The following VNN2 variants were observed in gnomAD, a reference collection of about 807,000 sequenced individuals.
The protein encoded by VNN2 is pantetheine hydrolase VNN2.
Under a neutral mutation model 43.0 loss-of-function variants are expected in VNN2, and 43 were observed. The ratio of observed to expected loss-of-function variants is 1.00; its 90% confidence interval spans 0.78 to 1.29. The LOEUF is 1.29. Among genes scored for constraint, VNN2 ranks in the 50% most tolerant of loss-of-function variants. VNN2 has a pLI of 0.00. For missense variants in VNN2, 652 were observed against 619.7 expected, an observed-to-expected ratio of 1.05 and a Z score of -0.55; for synonymous variants, 230 against 224.3, an observed-to-expected ratio of 1.03 and a Z score of -0.23.
chr6:132,751,474 C>T lies in VNN2; in HGVS notation c.871G>A (p.Asp291Asn), dbSNP rs762475277. The T allele has an allele frequency of 1.9e-6, 3 of 1,614,036 alleles. No homozygotes were observed. Among genetic ancestry groups the T allele is most frequent in the Middle Eastern group, 1.7e-4 (1 of 6,060 alleles). ...APNGPKVYHY[D>N]MKTELGKLLL... is the part of the protein sequence containing the mutation. Reference sequence around the variant, plus strand: ...AGTTTTCCCAACTCTGTCTTCATGTCATAATGATACACTTTGGGACCATTT... The same window carrying T: ...AGTTTTCCCAACTCTGTCTTCATGTTATAATGATACACTTTGGGACCATTT... Residue 291 changes from aspartate (D) to asparagine (N), a missense_variant, in exon 5 of 7, where the codon GAC (aspartate) becomes AAC (asparagine). Transcript: ENST00000326499.
At chr6:132,763,049 TA>T (rs1780773903) in intron 1 of VNN2, among the ~76,000 whole-genome samples, 1 of 152,140 alleles carries the variant, frequency 6.6e-6, no homozygotes, top group African/African-American at 2.4e-5. Flanking sequence ...CCGGTCCTTT[TA>T]AAAAATTAAA....
In VNN2 at chr6:132,757,891, G is replaced by T. The variant is rs201320317; in HGVS notation, c.-8C>A. 1.2e-4 allele frequency: 194 copies of T among 1,607,360 alleles called. No individual in the cohort carries two copies. In the East Asian group the frequency reaches 4.1e-3, roughly 34 times the overall value. ...AAAAGAGGAAGTGACCATGGCCAAG[G>T]TTTAGTGATTTCTGAAAGCAAAAAT... On this transcript the variant is annotated 5_prime_UTR_variant, in exon 1 of 7. Transcript: ENST00000326499.
chr6:132,749,493 C>T (rs537449557), intron 6 of VNN2, among the ~76,000 whole-genome samples: 1 of 152,112 alleles, frequency 6.6e-6, no homozygotes, highest in African/African-American at 2.4e-5. Context: ...GCCCAGCCAA[C>T]GTCAACTGAG....
At chr6:132,748,804 C>T (rs1779876003) in intron 6 of VNN2, among the ~76,000 whole-genome samples, 1 of 152,184 alleles carries the variant, frequency 6.6e-6, no homozygotes, top group Non-Finnish European at 1.5e-5. Flanking sequence ...GTGGCACATG[C>T]CTTTAAATCC....
At chr6:132,760,057 T>C (rs528288472), upstream of VNN2, among the ~76,000 whole-genome samples, 14 of 152,246 alleles carry the variant, frequency 9.2e-5, no homozygotes, top group Non-Finnish European at 1.6e-4. Flanking sequence ...GGATGTTCGC[T>C]TCTCATTCCT....
chr6:132,757,572 T>C (rs370457885), intron 1 of VNN2, 26 bp from the exon 2 acceptor site: 11 of 1,611,162 alleles, frequency 6.8e-6, no homozygotes, highest in Non-Finnish European at 7.6e-6. Flanking sequence ...AAAATAAAAA[T>C]GATTTTTCCA....
chr6:132,756,192 C>G (rs1013940862), intron 2 of VNN2, among the ~76,000 whole-genome samples, 157 bp from the exon 3 acceptor site: 1 of 152,196 alleles, frequency 6.6e-6, no homozygotes, highest in African/African-American at 2.4e-5. Flanking sequence ...GATGATTATA[C>G]ACTTGATGAA....
In VNN2 at chr6:132,751,140, A is replaced by G. The variant is rs1289725150; in HGVS notation, c.1200+5T>C. On this transcript the variant is annotated splice_donor_5th_base_variant and intron_variant, in intron 5 of 6. Coordinates refer to ENST00000326499, the MANE Select transcript of VNN2 (RefSeq NM_004665.6). Reference sequence around the variant, plus strand: ...TGAATGCCCTTTCATTTGAACTGAAATTACCTGCCAGTACTCTCTTCTCCT... The same window carrying G: ...TGAATGCCCTTTCATTTGAACTGAAGTTACCTGCCAGTACTCTCTTCTCCT... The G allele has an allele frequency of 1.9e-6, 3 of 1,564,968 alleles. No homozygotes were observed. The African/African-American group carries it at 4.1e-5, about 22-fold the overall frequency.
chr6:132,745,050 G>T (rs982060366), intron 6 of VNN2, among the ~76,000 whole-genome samples: 25 of 152,180 alleles, frequency 1.6e-4, no homozygotes, highest in African/African-American at 5.3e-4. Context: ...ACCAGCAAAG[G>T]CTCATTCTGA....
Position 132,755,810 on chromosome 6 carries a change from G to T in VNN2, c.537+33C>A, listed in dbSNP as rs529132041. ...ACCCAGCATTGACCACTCACAACAC[G>T]CTCCATTTTACACGTCCGTCACTCT... On this transcript the variant is annotated intron_variant, in intron 3 of 6. Transcript: ENST00000326499. The T allele has an allele frequency of 1.7e-5, 26 of 1,573,244 alleles. 1 individual carries two copies. The South Asian group carries it at 3.0e-4, about 18-fold the overall frequency.
chr6:132,755,460 C>T (rs1780405234), intron 3 of VNN2, among the ~76,000 whole-genome samples: 1 of 151,314 alleles, frequency 6.6e-6, no homozygotes, highest in Admixed American at 6.6e-5. Context: ...CTGCAGCCTC[C>T]ACCTCCTGGG....
Position 132,752,459 on chromosome 6 carries a change from A to G in VNN2, c.826+2T>C, listed in dbSNP as rs201713695. 6.2e-7 allele frequency: 1 copy of G among 1,610,136 alleles called. No individual in the cohort carries two copies. The highest frequency in any genetic ancestry group is 2.2e-5 in the East Asian group (1 of 44,802). On this transcript the variant is annotated splice_donor_variant, in intron 4 of 6. Coordinates refer to ENST00000326499, the MANE Select transcript of VNN2 (RefSeq NM_004665.6). LOFTEE classifies it high-confidence loss of function. Reference sequence around the variant, plus strand: ...ATGAAACCTAACCTGGTCATGAATTACCTGTCATATTTAGGCTGACATGAT... The same window carrying G: ...ATGAAACCTAACCTGGTCATGAATTGCCTGTCATATTTAGGCTGACATGAT...
intron 2 of VNN2, among the ~76,000 whole-genome samples, chr6:132,756,840 G>T (rs1462658235): frequency 1.3e-5 from 2 of 152,064 alleles, no homozygotes; most frequent in Non-Finnish European, 2.9e-5. Flanking sequence ...GTCTTTTCAT[G>T]CCAGACTTGT....
chr6:132,760,825 T>C (rs1398774822), upstream of VNN2: 1 of 152,210 alleles, frequency 6.6e-6, no homozygotes, highest in Non-Finnish European at 1.5e-5. Context: ...AGAAATGATG[T>C]TGATCAGAGT....
At chr6:132,752,407 T>C in intron 4 of VNN2, 54 bp downstream of exon 4, 2 of 1,540,050 alleles carry the variant, frequency 1.3e-6, no homozygotes, top group Non-Finnish European at 1.7e-6. Flanking sequence ...ACTGAGGCAT[T>C]CATTTCTCTG....
chr6:132,752,717 G>A lies in VNN2; in HGVS notation c.570C>T (p.Val190=), dbSNP rs199839913. ...AAGTCACCAACTCCGGCTTTTCAGGGACATTAAACTGAGGCTCAGAGTACA... is the reference window on the plus strand; with the variant it reads ...AAGTCACCAACTCCGGCTTTTCAGGAACATTAAACTGAGGCTCAGAGTACA... ...YHLYSEPQFN[V]PEKPELVTFN... is the part of the protein sequence containing the mutation. Residue 190 remains valine, a synonymous_variant, in exon 4 of 7, where the codon GTC becomes GTT. Transcript: ENST00000326499. 16 of 1,614,062 alleles carry A rather than the reference G, an allele frequency of 9.9e-6. No homozygotes were observed. Among genetic ancestry groups the A allele is most frequent in the African/African-American group, 1.3e-5 (1 of 75,022 alleles).
At chr6:132,759,300 G>T (rs9375917), upstream of VNN2, among the ~76,000 whole-genome samples, 1 of 144,216 alleles carries the variant, frequency 6.9e-6, no homozygotes, top group East Asian at 2.1e-4. Flanking sequence ...GTAGCTGGTC[G>T]TGGTGGTGGG....
At position 132,743,974 on chromosome 6, in the gene VNN2, G is replaced by A. The variant is rs1037480499; in HGVS notation, c.*326C>T. ...GCACAGCTATGTTTGCAATGGCCCTGAAACTCCTCACTCCCATACATACAA... is the reference window on the plus strand; with the variant it reads ...GCACAGCTATGTTTGCAATGGCCCTAAAACTCCTCACTCCCATACATACAA... On this transcript the variant is annotated 3_prime_UTR_variant, in exon 7 of 7. Coordinates refer to ENST00000326499, the MANE Select transcript of VNN2 (RefSeq NM_004665.6). 1.1e-5 allele frequency: 2 copies of A among 178,410 alleles called. No homozygotes were observed. Among genetic ancestry groups the A allele is most frequent in the African/African-American group, 4.7e-5 (2 of 42,208 alleles). 11.1% of individuals were successfully genotyped at this position (178,410 alleles called of 1,614,324 possible).
At chr6:132,755,208 A>G (rs1780377970) in intron 3 of VNN2, among the ~76,000 whole-genome samples, 1 of 151,458 alleles carries the variant, frequency 6.6e-6, no homozygotes, top group African/African-American at 2.4e-5. Flanking sequence ...CCCAGATTAT[A>G]GTCACCTTAG....
Sources: gnomAD v4.1 joint callset for allele counts (sites outside exome capture counted in the v4.1 genomes callset) on GRCh38, gnomAD v4.1.1 for gene constraint, MANE v1.5 for transcripts, NCBI Gene and HGNC (gene_info 2026-07-23, HGNC 2026-07-21) for gene names.